Variants in CFAP46 observed in about 807,000 individuals in gnomAD.
CFAP46 encodes the protein cilia- and flagella-associated protein 46.
In CFAP46, 245 loss-of-function variants were observed where a neutral mutation model predicts 325.7. The ratio of observed to expected loss-of-function variants is 0.75; its 90% CI spans 0.68 to 0.84. The LOEUF (loss-of-function observed/expected upper bound fraction) is 0.84, where lower values mean the gene tolerates loss of function less well. Among genes scored for constraint, CFAP46 ranks in the 40% least tolerant of loss-of-function variants. The pLI, the probability that CFAP46 is intolerant of heterozygous loss-of-function variation, is 0.00. For synonymous variants in CFAP46, 1,523 were observed against 1,495.9 expected (o/e 1.02, Z -0.42); for missense variants, 3,346 against 3,543.0 (o/e 0.94, Z 1.41).
intron 50 of CFAP46, among the ~76,000 whole-genome samples, chr10:132,821,297 G>C (rs1395560262): frequency 5.6e-5 from 8 of 142,804 alleles, no homozygotes; most frequent in Non-Finnish European, 1.1e-4. Context: ...TGTGTGCTGT[G>C]TGTGCTGTGT....
chr10:132,819,364 T>C (rs1847753728), intron 50 of CFAP46, among the ~76,000 whole-genome samples: 2 of 152,328 alleles, frequency 1.3e-5, no homozygotes, highest in South Asian at 2.1e-4. Flanking sequence ...AAAATTCCAA[T>C]GGCATTTTTG....
chr10:132,896,798 C>G (rs1254965810), intron 24 of CFAP46, among the ~76,000 whole-genome samples: 2 of 152,142 alleles, frequency 1.3e-5, no homozygotes, highest in African/African-American at 4.8e-5. Flanking sequence ...CAAGGGGCCC[C>G]AGACAGCTAA....
chr10:132,913,908 G>T (rs755753315), intron 17 of CFAP46, among the ~76,000 whole-genome samples: 4 of 149,580 alleles, frequency 2.7e-5, no homozygotes, highest in African/African-American at 9.9e-5. Flanking sequence ...CAGCCCCCTC[G>T]TTCCAGTTTG....
At chr10:132,824,641 GTGC>G (rs1291797935) in intron 50 of CFAP46, among the ~76,000 whole-genome samples, 3 of 114,360 alleles carry the variant, frequency 2.6e-5, no homozygotes, top group African/African-American at 1.1e-4. Flanking sequence ...GTGCTGATGT[GTGC>G]TGATGTGTGC....
At chr10:132,860,291 A>C in intron 37 of CFAP46, 126 bp downstream of exon 37, 1 of 655,324 alleles carries the variant, frequency 1.5e-6, no homozygotes, top group Non-Finnish European at 2.7e-6. Flanking sequence ...AAAGCTGTGG[A>C]TATGTGGCCC....
chr10:132,913,799 G>T (rs112019590), intron 17 of CFAP46, among the ~76,000 whole-genome samples: 1 of 143,892 alleles, frequency 6.9e-6, no homozygotes, highest in African/African-American at 2.7e-5. Flanking sequence ...TCCTGTGGGG[G>T]CTGCATGGGG....
intron 8 of CFAP46, 117 bp downstream of exon 8, chr10:132,934,635 G>A: frequency 1.5e-6 from 1 of 683,188 alleles, no homozygotes; most frequent in East Asian, 2.6e-5. Flanking sequence ...CACAATGGCT[G>A]GCTTTTGCAA....
intron 50 of CFAP46, among the ~76,000 whole-genome samples, chr10:132,825,914 G>T (rs1453534433): frequency 6.6e-6 from 1 of 152,196 alleles, no homozygotes; most frequent in Non-Finnish European, 1.5e-5. Context: ...CTGGTAACGG[G>T]GGGTGGGGCA....
intron 9 of CFAP46, among the ~76,000 whole-genome samples, chr10:132,927,110 A>G (rs967118384): frequency 4.7e-4 from 71 of 152,066 alleles, no homozygotes; most frequent in African/African-American, 1.7e-3. Context: ...GTGGCCTTAC[A>G]AAAGCTGGGG....
In CFAP46 at chr10:132,924,794, C is replaced by T. The variant is rs951085868; in HGVS notation, c.1158G>A (p.Thr386=). The T allele has an allele frequency of 4.6e-6, 7 of 1,513,816 alleles. No individual in the cohort carries two copies. The highest frequency in any genetic ancestry group is 2.5e-5 in the South Asian group (2 of 79,470). 93.8% of individuals were successfully genotyped at this position (1,513,816 alleles called of 1,614,324 possible). A position where few individuals can be genotyped will look rare whatever the true frequency, so the allele number is the denominator to read the frequency against. ...GCAGGGGCAGGCAGGTGTTCCACTG[C>T]GTGGCGCACACCACGTGGATGACCC... ...DPRVIHVVCA[T]QWNTCLPLLQ... is the part of the protein sequence containing the mutation. The change falls in exon 11 of 58, where the codon ACG becomes ACA. Residue 386 remains threonine, a synonymous_variant. Coordinates refer to ENST00000368586, the MANE Select transcript of CFAP46 (RefSeq NM_001200049.3).
At position 132,938,613 on chromosome 10, in the gene CFAP46, T is replaced by G. The variant is rs1244817514; in HGVS notation, c.512A>C (p.Lys171Thr). Residue 171 changes from lysine to threonine, a missense_variant, in exon 5 of 58, where the codon AAG becomes ACG. Transcript: ENST00000368586. ...NVLSQTEEED[K>T]EWRAELMLEL... ...CAGCATCAGCTCAGCACGCCACTCC[T>G]TGTCTTCCTCCTCAGTCTGACTCAG... The G allele has an allele frequency of 3.7e-6, 6 of 1,613,306 alleles. No individual in the cohort carries two copies. The African/African-American group carries it at 8.0e-5, about 22-fold the overall frequency.
intron 16 of CFAP46, 103 bp from the exon 17 acceptor site, chr10:132,916,785 C>A: frequency 7.2e-7 from 1 of 1,381,254 alleles, no homozygotes; most frequent in Non-Finnish European, 9.4e-7. Context: ...TTGAAAATGC[C>A]AAGCACAGGC....
At chr10:132,814,554 A>AG (rs935593554) in intron 53 of CFAP46, 23 bp downstream of exon 53, 5 of 1,554,242 alleles carry the variant, frequency 3.2e-6, no homozygotes, top group Non-Finnish European at 4.3e-6. Flanking sequence ...GTGCCTGAAC[A>AG]GGGAGCCCTG....
Position 132,857,802 on chromosome 10 carries a change from A to G in CFAP46, c.5376-14T>C, listed in dbSNP as rs113340237. ...TGGGCACGTAACCTTTATAAGACAT[A>G]AGAATGGAATTTTAAAACATTATGT... On this transcript the variant is annotated splice_polypyrimidine_tract_variant and intron_variant, in intron 38 of 57. Transcript: ENST00000368586. 14 of 1,498,122 alleles carry G rather than the reference A, an allele frequency of 9.3e-6. No homozygotes were observed. In the East Asian group the frequency reaches 3.2e-4, roughly 34 times the overall value. 92.8% of individuals were successfully genotyped at this position (1,498,122 alleles called of 1,614,324 possible).
chr10:132,875,249 C>A lies in CFAP46; in HGVS notation c.4362+1563G>T, dbSNP rs188854870. Among the ~76,000 whole-genome samples, 1,503 of 152,282 alleles carry A rather than the reference C, an allele frequency of 9.9e-3. 15 individuals carry two copies. Among genetic ancestry groups the A allele is most frequent in the South Asian group, 0.044 (212 of 4,834 alleles). On this transcript the variant is annotated intron_variant, in intron 31 of 57. Transcript: ENST00000368586. ...GTTAAGAGATGCTGAAGAAGACCTA[C>A]GTCAATGGAGAGACAGACCATGTCC...
At chr10:132,835,747 G>C (rs908586693) in intron 46 of CFAP46, among the ~76,000 whole-genome samples, 1 of 152,048 alleles carries the variant, frequency 6.6e-6, no homozygotes, top group Non-Finnish European at 1.5e-5. Flanking sequence ...ACACCCCTGG[G>C]ACCCCAGCGG....
Position 132,808,598 on chromosome 10 carries a change from G to T in CFAP46, c.7971C>A (p.Arg2657=), listed in dbSNP as rs760699987. ...AGCTCGAGGTCCAGGCGGCTGCCTT[G>T]CGGGAAGTCGCTGGGGGAGGGTCCC... ...SARDPPPATS[R]KAAAWTSSSA... Residue 2657 remains arginine (R), a synonymous_variant, in exon 58 of 58, where the codon CGC becomes CGA. Coordinates refer to ENST00000368586, the MANE Select transcript of CFAP46 (RefSeq NM_001200049.3). This position sits in a 1 kb window ranked among gnomAD's most constrained non-coding sequence, Gnocchi z 6.8. 2.5e-5 allele frequency: 40 copies of T among 1,612,352 alleles called. No individual in the cohort carries two copies. In the African/African-American group the frequency reaches 5.2e-4, roughly 21 times the overall value.
At position 132,869,326 on chromosome 10, in the gene CFAP46, G is replaced by T. The variant is rs767847316; in HGVS notation, c.4558C>A (p.Arg1520Ser). 1 of 1,539,364 alleles carries T rather than the reference G, an allele frequency of 6.5e-7. No individual in the cohort carries two copies. The highest frequency in any genetic ancestry group is 8.7e-7 in the Non-Finnish European group (1 of 1,144,882). The change falls in exon 33 of 58, where the codon CGC becomes AGC. Residue 1520 changes from arginine (R) to serine (S), a missense_variant. Physicochemically the swap from Arg to Ser is moderately radical, Grantham distance 110. Coordinates refer to ENST00000368586, the MANE Select transcript of CFAP46 (RefSeq NM_001200049.3). This position sits in a 1 kb window ranked among gnomAD's most constrained non-coding sequence, Gnocchi z 6.2. ...SELKLREAAA[R>S]HEEAVGQVCV... ...ACCTGCCCGACCGCCTCTTCATGGC[G>T]CGCGGCTGCTTCTCTCAGCTTCAGC...
intron 50 of CFAP46, among the ~76,000 whole-genome samples, chr10:132,823,280 CTG>C (rs1224949859): frequency 1.2e-5 from 1 of 83,756 alleles, no homozygotes; most frequent in Non-Finnish European, 2.2e-5. Context: ...CTGATGTGTG[CTG>C]TGTGTGCTGT....
Sources: gnomAD v4.1 joint callset for allele counts (sites outside exome capture counted in the v4.1 genomes callset) on GRCh38, gnomAD v4.1.1 for gene constraint, Gnocchi (gnomAD v3.1) non-coding constraint, MANE v1.5 for transcripts, NCBI Gene and HGNC (gene_info 2026-07-23, HGNC 2026-07-21) for gene names.